Variants in REV3L observed in about 807,000 individuals in gnomAD.
The protein encoded by REV3L is DNA polymerase zeta catalytic subunit.
Under a neutral mutation model 299.4 loss-of-function variants are expected in REV3L, and 69 were observed. That is an observed-to-expected ratio of 0.23 (90% CI 0.19 to 0.28). The LOEUF (loss-of-function observed/expected upper bound fraction) is 0.28. Among genes scored for constraint, REV3L ranks in the 10% least tolerant of loss-of-function variants. The probability of loss-of-function intolerance (pLI) is 1.00; values close to 1 mark genes in which losing one functional copy is unlikely to be tolerated. For missense variants in REV3L, 3,128 were observed against 3,693.8 expected (o/e 0.85, Z 3.97); for synonymous variants, 1,238 against 1,271.4 (o/e 0.97, Z 0.56).
At position 111,359,564 on chromosome 6, in the gene REV3L, C is replaced by T. The variant is rs533500724; in HGVS notation, c.6880-550G>A. Among the ~76,000 whole-genome samples, 5 of 137,548 alleles carry T rather than the reference C, an allele frequency of 3.6e-5. No homozygotes were observed. In the East Asian group the frequency reaches 8.7e-4, roughly 24 times the overall value. 90.2% of individuals were successfully genotyped at this position (137,548 alleles called of 152,430 possible). On this transcript the variant is annotated intron_variant, in intron 16 of 31. Coordinates refer to ENST00000368802, the MANE Select transcript of REV3L (RefSeq NM_001372078.1). The stretch of plus-strand genomic sequence containing the variant: ...AAAAGAACTGTTATGGTATCAACTA[C>T]ACAACAGCCAGATTTTTACACATGC...
In REV3L at chr6:111,430,341, C is replaced by A. The variant is rs1786748752; in HGVS notation, c.140-13869G>T. ...TTACTGCTCCTGGCTACTCCATGAT[C>A]ATTAAACACCCAATGGATTTTAAAT... On this transcript the variant is annotated intron_variant, in intron 1 of 31. Transcript: ENST00000368802. The A allele has an allele frequency of 5.1e-6, 6 of 1,172,292 alleles. No individual in the cohort carries two copies. The South Asian group carries it at 6.1e-5, about 12-fold the overall frequency. 72.6% of individuals were successfully genotyped at this position (1,172,292 alleles called of 1,614,324 possible).
chr6:111,315,864 G>A (rs544062533), intron 26 of REV3L, among the ~76,000 whole-genome samples: 1 of 152,332 alleles, frequency 6.6e-6, no homozygotes, highest in South Asian at 2.1e-4. Context: ...ATGATCTGAG[G>A]TGGAATAGTT....
intron 4 of REV3L, 38 bp from the exon 5 acceptor site, chr6:111,393,010 C>A: frequency 1.5e-6 from 2 of 1,358,302 alleles, no homozygotes; most frequent in African/African-American, 1.5e-5. Context: ...ATTCTACTTT[C>A]AATTTTCATA....
chr6:111,315,031 G>T (rs1174836293), intron 27 of REV3L, among the ~76,000 whole-genome samples: 1 of 151,744 alleles, frequency 6.6e-6, no homozygotes, highest in Non-Finnish European at 1.5e-5. Flanking sequence ...TTTAATTTTT[G>T]TAGAGATGGG....
Position 111,307,378 on chromosome 6 carries a change from G to T in REV3L, c.9235C>A (p.Gln3079Lys). The part of the protein sequence containing the change: ...NQEIRELERQ[Q>K]EQLVKICKNC... ...AACTGTACCTTTACAAGTTGCTCCT[G>T]TTGACGTTCCAACTCCCGGATTTCT... The change falls in exon 31 of 32, where the codon CAG becomes AAG. Residue 3079 changes from glutamine (Q) to lysine (K), a missense_variant. This residue lies in a region of REV3L where 294 missense variants were observed against 377.0 expected (regional missense o/e 0.78). Transcript: ENST00000368802. 1.2e-6 allele frequency: 2 copies of T among 1,614,044 alleles called. No individual in the cohort carries two copies. Among genetic ancestry groups the T allele is most frequent in the Non-Finnish European group, 1.7e-6 (2 of 1,179,950 alleles).
chr6:111,331,550 G>T, intron 24 of REV3L, 126 bp downstream of exon 24: 1 of 545,080 alleles, frequency 1.8e-6, no homozygotes, highest in Non-Finnish European at 3.1e-6. Context: ...TTGACTTTTT[G>T]AGATAAAATA....
intron 21 of REV3L, among the ~76,000 whole-genome samples, chr6:111,341,039 CTT>C (rs5879104): frequency 1.5e-5 from 2 of 131,844 alleles, no homozygotes; most frequent in Non-Finnish European, 1.6e-5. Context: ...TTCTCCTCAG[CTT>C]TTTTTTTTTT....
At chr6:111,331,558 A>C (rs1775378855) in intron 24 of REV3L, 118 bp downstream of exon 24, 1 of 570,338 alleles carries the variant, frequency 1.8e-6, no homozygotes, top group South Asian at 3.7e-5. Context: ...TTGAGATAAA[A>C]TATTCAAGCA....
chr6:111,480,258 C>G (rs983798468), intron 1 of REV3L, among the ~76,000 whole-genome samples: 17 of 151,982 alleles, frequency 1.1e-4, no homozygotes, highest in Non-Finnish European at 2.1e-4. Context: ...TTTTTATTAC[C>G]TTATTTTACT....
Position 111,374,596 on chromosome 6 carries a change from A to C in REV3L, c.3759T>G (p.Ser1253Arg). ...LKHQNVSEFA[S>R]SSGGSQLLFK... ...AAAGTAGTTGAGAGCCTCCAGAACT[A>C]CTTGCAAATTCAGACACATTCTGGT... Residue 1253 changes from serine to arginine, a missense_variant, in exon 13 of 32, where the codon AGT becomes AGG. Transcript: ENST00000368802. 1 of 1,613,792 alleles carries C rather than the reference A, an allele frequency of 6.2e-7. No homozygotes were observed. The highest frequency in any genetic ancestry group is 8.5e-7 in the Non-Finnish European group (1 of 1,179,902).
At chr6:111,471,122 G>A (rs1792155382) in intron 1 of REV3L, among the ~76,000 whole-genome samples, 1 of 152,184 alleles carries the variant, frequency 6.6e-6, no homozygotes, top group Admixed American at 6.5e-5. Flanking sequence ...ACAATCCTAA[G>A]TACGTTTAAA....
chr6:111,303,306 G>T (rs369531), intron 31 of REV3L, among the ~76,000 whole-genome samples: 29,007 of 148,708 alleles, frequency 0.2, 3,223 homozygotes, highest in East Asian at 0.37. Context: ...TTAGTAGCTG[G>T]GATTGCGGGT....
chr6:111,301,126 G>C (rs1444625191), intron 31 of REV3L, among the ~76,000 whole-genome samples: 1 of 151,516 alleles, frequency 6.6e-6, no homozygotes, highest in African/African-American at 2.4e-5. Flanking sequence ...TTGTAGACAC[G>C]GGATGAAATA....
At chr6:111,319,768 C>T (rs985378275) in intron 26 of REV3L, among the ~76,000 whole-genome samples, 12 of 151,888 alleles carry the variant, frequency 7.9e-5, no homozygotes, top group African/African-American at 2.7e-4. Flanking sequence ...ATGGTTATGC[C>T]ATCATCTAGG....
At chr6:111,328,019 A>T (rs1775018092) in intron 25 of REV3L, among the ~76,000 whole-genome samples, 1 of 152,206 alleles carries the variant, frequency 6.6e-6, no homozygotes, top group South Asian at 2.1e-4. Context: ...GCATGAAAAG[A>T]TCACAATATA....
chr6:111,345,523 C>G (rs888356437), intron 20 of REV3L, among the ~76,000 whole-genome samples: 2 of 152,140 alleles, frequency 1.3e-5, no homozygotes, highest in African/African-American at 4.8e-5. Context: ...CTCCTCTTCT[C>G]TAATGATTTT....
At chr6:111,482,436 C>T (rs1793851638) in intron 1 of REV3L, among the ~76,000 whole-genome samples, 1 of 152,116 alleles carries the variant, frequency 6.6e-6, no homozygotes. Flanking sequence ...GGGGCGCCCG[C>T]GGCTTTCGCT....
chr6:111,448,605 G>A (rs962139666), intron 1 of REV3L, among the ~76,000 whole-genome samples: 13 of 151,692 alleles, frequency 8.6e-5, no homozygotes, highest in African/African-American at 2.9e-4. Context: ...GATTACAGGC[G>A]TGAGCCACTG....
At chr6:111,356,299 A>G (rs1381032365) in intron 18 of REV3L, among the ~76,000 whole-genome samples, 1 of 152,118 alleles carries the variant, frequency 6.6e-6, no homozygotes, top group Non-Finnish European at 1.5e-5. Context: ...TGAAGCATTT[A>G]ATAAGAGAGT....
Sources: gnomAD v4.1 joint callset for allele counts (sites outside exome capture counted in the v4.1 genomes callset) on GRCh38, gnomAD v4.1.1 for gene constraint, gnomAD v4.1.1 regional missense constraint, MANE v1.5 for transcripts, NCBI Gene and HGNC (gene_info 2026-07-23, HGNC 2026-07-21) for gene names.